DPP10: variants seen among roughly 807,000 people sequenced by gnomAD.
DPP10 encodes the protein dipeptidyl peptidase like 10.
A neutral mutation model predicts 120.9 loss-of-function variants in DPP10; 33 were observed. That is an observed-to-expected ratio of 0.27 (90% confidence interval 0.21 to 0.37). The LOEUF (loss-of-function observed/expected upper bound fraction) is 0.37. DPP10 is among the 10% of genes least tolerant of loss of function. The pLI, the probability that DPP10 is intolerant of heterozygous loss-of-function variation, is 1.00. For synonymous variants in DPP10, 337 were observed against 326.1 expected (o/e 1.03, Z -0.36); for missense variants, 816 against 942.8 (o/e 0.87, Z 1.76).
intron 1 of DPP10, among the ~76,000 whole-genome samples, chr2:114,991,057 T>A (rs1418856093): frequency 6.6e-6 from 1 of 152,224 alleles, no homozygotes; most frequent in Non-Finnish European, 1.5e-5. Context: ...AATGTCTCTA[T>A]AACTACATAA....
chr2:114,855,869 A>G (rs1201121849), intron 1 of DPP10, among the ~76,000 whole-genome samples: 2 of 151,958 alleles, frequency 1.3e-5, no homozygotes, highest in Non-Finnish European at 2.9e-5. Flanking sequence ...TGAAATAAAT[A>G]TGCTCTAGCC....
chr2:114,946,918 A>C (rs1404036351), intron 1 of DPP10, among the ~76,000 whole-genome samples: 2 of 152,054 alleles, frequency 1.3e-5, no homozygotes, highest in East Asian at 3.8e-4. Context: ...ATGAGTTTGT[A>C]GTTTTATTTC....
rs145461297 is a variant in DPP10 at position 114,909,749 on chromosome 2, G to C, written c.61-399490G>C. ...TTTCTGTTTAAAGTTGTTCTGAGTT[G>C]GCAGTGTACCCAGGTATCTGGAAAG... On this transcript the variant is annotated intron_variant, in intron 1 of 25. Transcript: ENST00000410059. 3.6e-3 allele frequency among the ~76,000 whole-genome samples: 552 copies of C among 152,074 alleles called. 3 individuals carry two copies. The highest frequency in any genetic ancestry group is 0.013 in the African/African-American group (529 of 41,516).
chr2:114,720,915 G>T lies in DPP10; in HGVS notation c.60+278077G>T, dbSNP rs543343417. 1.1e-3 allele frequency among the ~76,000 whole-genome samples: 171 copies of T among 152,290 alleles called. 1 individual carries two copies. Among genetic ancestry groups the T allele is most frequent in the Non-Finnish European group, 1.8e-3 (121 of 68,024 alleles). On this transcript the variant is annotated intron_variant, in intron 1 of 25. Transcript: ENST00000410059. ...AGGTACAGGTAGAGATGATGAAGCT[G>T]CAAGATGGAGAATGCAAAGCTGTAT...
intron 1 of DPP10, among the ~76,000 whole-genome samples, chr2:115,075,832 G>T (rs774175588): frequency 1.3e-5 from 2 of 151,962 alleles, no homozygotes; most frequent in African/African-American, 4.8e-5. Context: ...TTCAGGGGCA[G>T]TGAGTCCATT....
chr2:114,879,922 T>G (rs907359985), intron 1 of DPP10, among the ~76,000 whole-genome samples: 2 of 152,138 alleles, frequency 1.3e-5, no homozygotes, highest in Admixed American at 6.6e-5. Context: ...TTTAGAGAAT[T>G]TAGCACTAAT....
chr2:115,162,146 C>A, intron 1 of DPP10: 1 of 1,535,672 alleles, frequency 6.5e-7, no homozygotes, highest in Non-Finnish European at 8.8e-7. Flanking sequence ...CCCTCCCCCG[C>A]CCCGCCCCAG....
Position 114,779,865 on chromosome 2 carries a change from G to A in DPP10, c.60+337027G>A, listed in dbSNP as rs192785706. 2.8e-3 allele frequency among the ~76,000 whole-genome samples: 419 copies of A among 151,874 alleles called. 6 individuals are homozygous for A. The highest frequency in any genetic ancestry group is 0.017 in the Middle Eastern group (5 of 292). On this transcript the variant is annotated intron_variant, in intron 1 of 25. Coordinates refer to ENST00000410059, the MANE Select transcript of DPP10 (RefSeq NM_020868.6). ...AGAAAGGAGGGAAGGGGCTGAGCAC[G>A]GTGGCTCACGCCTGTCATCCCAGCA...
chr2:115,710,172 C>G (rs1476854815), intron 7 of DPP10, among the ~76,000 whole-genome samples: 1 of 152,060 alleles, frequency 6.6e-6, no homozygotes, highest in Non-Finnish European at 1.5e-5. Context: ...AAAATATGCT[C>G]TTCAGTGAGA....
intron 1 of DPP10, among the ~76,000 whole-genome samples, chr2:114,720,037 T>C (rs910950460): frequency 6.6e-6 from 1 of 152,232 alleles, no homozygotes; most frequent in Non-Finnish European, 1.5e-5. Flanking sequence ...CCCAGAGTAA[T>C]TGTGGGGTTT....
At chr2:115,704,873 G>A (rs1005870541) in intron 7 of DPP10, among the ~76,000 whole-genome samples, 1 of 151,880 alleles carries the variant, frequency 6.6e-6, no homozygotes, top group African/African-American at 2.4e-5. Flanking sequence ...TAAATGAAAT[G>A]AGGCAAATAT....
intron 1 of DPP10, among the ~76,000 whole-genome samples, chr2:114,491,905 G>C (rs901242179): frequency 6.6e-6 from 1 of 152,014 alleles, no homozygotes; most frequent in African/African-American, 2.4e-5. Flanking sequence ...CTTTTTCCTG[G>C]GGGCATTTAG....
rs1701878045 is a variant in DPP10, at chr2:115,006,774, C to G, written c.61-302465C>G. On this transcript the variant is annotated intron_variant, in intron 1 of 25. Coordinates refer to ENST00000410059, the MANE Select transcript of DPP10 (RefSeq NM_020868.6). ...ACTCCCACACATTAATAATTGGAGA[C>G]TTTAACACCCCACTGTCAACATTAG... Among the ~76,000 whole-genome samples the G allele has an allele frequency of 3.3e-5, 5 of 151,990 alleles. No homozygotes were observed. In the South Asian group the frequency reaches 1.0e-3, roughly 32 times the overall value.
intron 1 of DPP10, among the ~76,000 whole-genome samples, chr2:115,228,718 A>T (rs768195081): frequency 1.6e-4 from 25 of 152,146 alleles, no homozygotes; most frequent in Admixed American, 8.5e-4. Context: ...TCATACTTTT[A>T]TATGGCTGGA....
intron 2 of DPP10, among the ~76,000 whole-genome samples, chr2:115,337,897 A>C (rs924930051): frequency 6.6e-5 from 10 of 152,002 alleles, no homozygotes; most frequent in African/African-American, 2.2e-4. Context: ...TTTTCTCAGT[A>C]TTGAATAAAG....
At chr2:115,839,222 A>T (rs1052897806) in intron 24 of DPP10, among the ~76,000 whole-genome samples, 1 of 152,192 alleles carries the variant, frequency 6.6e-6, no homozygotes, top group Non-Finnish European at 1.5e-5. Flanking sequence ...GAAGATGTTG[A>T]AAAAGATCTT....
chr2:115,603,721 G>A (rs1020914066), intron 5 of DPP10, among the ~76,000 whole-genome samples: 3 of 152,038 alleles, frequency 2.0e-5, no homozygotes, highest in Non-Finnish European at 2.9e-5. Flanking sequence ...TTAGAGCACT[G>A]CTATTTCTTC....
intron 1 of DPP10, among the ~76,000 whole-genome samples, chr2:115,277,294 G>C (rs996493971): frequency 8.5e-5 from 13 of 152,066 alleles, no homozygotes; most frequent in Non-Finnish European, 1.8e-4. Flanking sequence ...AAACTAGGCA[G>C]GCAGTCAAGT....
intron 1 of DPP10, among the ~76,000 whole-genome samples, chr2:114,907,213 G>C (rs115966657): frequency 0.026 from 3,985 of 151,840 alleles, 179 homozygotes; most frequent in African/African-American, 0.092. Context: ...TTCTTGGTCG[G>C]TGTAGATAGT....
Sources: allele counts gnomAD v4.1 joint callset (sites outside exome capture counted in the v4.1 genomes callset), GRCh38; gene constraint gnomAD v4.1.1; transcripts MANE v1.5; gene names NCBI Gene and HGNC (gene_info 2026-07-23, HGNC 2026-07-21).